Variants in CDH20 observed in about 807,000 individuals in gnomAD.
The protein encoded by CDH20 is cadherin 20.
A neutral mutation model predicts 74.2 loss-of-function variants in CDH20; 29 were observed. That is an observed-to-expected ratio of 0.39 (90% CI 0.29 to 0.53). The LOEUF (loss-of-function observed/expected upper bound fraction) is 0.53. CDH20 is among the 20% of genes least tolerant of loss of function. CDH20 has a pLI of 0.69. For synonymous variants in CDH20, 469 were observed against 405.4 expected, an observed-to-expected ratio of 1.16 and a Z score of -1.88; for missense variants, 988 against 1,048.3, an observed-to-expected ratio of 0.94 and a Z score of 0.79.
chr18:61,414,559 G>T (rs1002984144), intron 1 of CDH20, among the ~76,000 whole-genome samples: 1 of 152,000 alleles, frequency 6.6e-6, no homozygotes, highest in African/African-American at 2.4e-5. Context: ...AGTGATTTGG[G>T]ATTCTCTATG....
chr18:61,467,859 G>A (rs997524612), intron 1 of CDH20, among the ~76,000 whole-genome samples: 1 of 152,120 alleles, frequency 6.6e-6, no homozygotes, highest in Non-Finnish European at 1.5e-5. Context: ...GCTTACGTTC[G>A]CTTACTAGTA....
intron 1 of CDH20, among the ~76,000 whole-genome samples, chr18:61,388,936 G>T (rs1911684465): frequency 6.6e-6 from 1 of 152,102 alleles, no homozygotes. Context: ...TACTTCACAG[G>T]ACGATTAAAA....
Position 61,554,237 on chromosome 18 carries a change from T to C in CDH20, c.1948T>C (p.Tyr650His), listed in dbSNP as rs1357610022. The change falls in exon 12 of 12, where the codon TAC becomes CAC. Residue 650 changes from tyrosine to histidine, a missense_variant. Physicochemically the swap from Tyr to His is moderately conservative, Grantham distance 83 (BLOSUM62 2). This residue lies in a region of CDH20 where 375 missense variants were observed against 293.1 expected (regional missense o/e 1.28). Transcript: ENST00000262717. ...LSMRRHRKQP[Y>H]IIDDEENIHE... ...CATGAGGCGGCACCGGAAACAACCATACATCATCGACGACGAGGAAAACAT... is the reference window on the plus strand; with the variant it reads ...CATGAGGCGGCACCGGAAACAACCACACATCATCGACGACGAGGAAAACAT... 1 of 1,613,880 alleles carries C rather than the reference T, an allele frequency of 6.2e-7. No homozygotes were observed. The highest frequency in any genetic ancestry group is 2.2e-5 in the East Asian group (1 of 44,864).
intron 1 of CDH20, among the ~76,000 whole-genome samples, chr18:61,456,925 C>G (rs1909591086): frequency 6.6e-6 from 1 of 152,124 alleles, no homozygotes; most frequent in South Asian, 2.1e-4. Flanking sequence ...CATTAGGCCA[C>G]TAATCTCATT....
intron 7 of CDH20, among the ~76,000 whole-genome samples, chr18:61,534,999 TATA>T: frequency 6.6e-6 from 1 of 152,240 alleles, no homozygotes; most frequent in Non-Finnish European, 1.5e-5. Flanking sequence ...CATAAATATA[TATA>T]ATTATTACTT....
intron 6 of CDH20, among the ~76,000 whole-genome samples, chr18:61,519,540 G>A (rs927141976): frequency 6.6e-6 from 1 of 151,190 alleles, no homozygotes; most frequent in African/African-American, 2.5e-5. Context: ...AAGTGAAGGA[G>A]AAATAAAATC....
rs540904369 is a variant in CDH20, at chr18:61,380,035, G to A, written c.-153+46208G>A. ...CAGGATTCTTAATGCAGGCAGACACGCGGATGTTTATTTTAGATCATTTGC... is the reference window on the plus strand; with the variant it reads ...CAGGATTCTTAATGCAGGCAGACACACGGATGTTTATTTTAGATCATTTGC... On this transcript the variant is annotated intron_variant, in intron 1 of 11. Transcript: ENST00000262717. Among the ~76,000 whole-genome samples, 3 of 152,288 alleles carry A rather than the reference G, an allele frequency of 2.0e-5. No homozygotes were observed. The East Asian group carries it at 5.8e-4, about 29-fold the overall frequency.
chr18:61,355,672 A>C (rs1465269786), intron 1 of CDH20, among the ~76,000 whole-genome samples: 2 of 152,212 alleles, frequency 1.3e-5, no homozygotes, highest in Admixed American at 1.3e-4. Flanking sequence ...AAACAAGTAA[A>C]TATAAACAAA....
In CDH20 at chr18:61,500,262, G is replaced by T. The variant is rs553377229; in HGVS notation, c.542-121G>T. The T allele has an allele frequency of 7.9e-5, 77 of 968,606 alleles. No homozygotes were observed. The East Asian group carries it at 1.6e-3, about 20-fold the overall frequency. The allele number at this position is 968,606 out of a possible 1,614,324, so 60.0% of individuals were successfully genotyped here. On this transcript the variant is annotated intron_variant, in intron 3 of 11. Transcript: ENST00000262717. The stretch of plus-strand genomic sequence containing the variant: ...ATAAGAGTTATGGAAGCTTGACCTA[G>T]AAAGGGGACTCTCCCAATGAAGCAA...
chr18:61,424,263 A>G (rs1423194812), intron 1 of CDH20, among the ~76,000 whole-genome samples: 1 of 152,228 alleles, frequency 6.6e-6, no homozygotes, highest in Non-Finnish European at 1.5e-5. Context: ...TTTGAAATAT[A>G]CAATAGATTA....
intron 1 of CDH20, among the ~76,000 whole-genome samples, chr18:61,424,560 T>C (rs945060609): frequency 4.6e-5 from 7 of 152,258 alleles, no homozygotes; most frequent in African/African-American, 9.6e-5. Flanking sequence ...TATACAGTGA[T>C]TGCTGAGATC....
intron 1 of CDH20, among the ~76,000 whole-genome samples, chr18:61,347,894 AT>A (rs77931577): frequency 0.15 from 22,783 of 152,070 alleles, 2,242 homozygotes; most frequent in Admixed American, 0.3. Flanking sequence ...AAAACTCACG[AT>A]GTATTTTTGG....
At chr18:61,490,912 T>C in intron 2 of CDH20, 113 bp downstream of exon 2, 1 of 1,167,872 alleles carries the variant, frequency 8.6e-7, no homozygotes, top group East Asian at 2.4e-5. Flanking sequence ...CTAGAACAAG[T>C]GGTACGTTAC....
At chr18:61,419,060 G>T (rs945449006) in intron 1 of CDH20, among the ~76,000 whole-genome samples, 2 of 151,892 alleles carry the variant, frequency 1.3e-5, no homozygotes, top group African/African-American at 2.4e-5. Flanking sequence ...ATTATGATAC[G>T]CCCTTAGGGT....
chr18:61,491,757 G>T (rs1161996931), intron 2 of CDH20, among the ~76,000 whole-genome samples: 1 of 152,036 alleles, frequency 6.6e-6, no homozygotes, highest in Non-Finnish European at 1.5e-5. Context: ...TGTTTTCATT[G>T]CTTCTCAAGA....
intron 8 of CDH20, among the ~76,000 whole-genome samples, chr18:61,537,097 A>G (rs1912841187): frequency 6.6e-6 from 1 of 152,146 alleles, no homozygotes. Flanking sequence ...AAACTTATAA[A>G]TGGAATGGAA....
chr18:61,344,363 AG>A (rs773104310), intron 1 of CDH20, among the ~76,000 whole-genome samples: 2 of 152,166 alleles, frequency 1.3e-5, no homozygotes, highest in Non-Finnish European at 2.9e-5. Context: ...ATGTTGCCCA[AG>A]ATCACATAAC....
At chr18:61,371,092 C>T (rs1164453243) in intron 1 of CDH20, among the ~76,000 whole-genome samples, 1 of 152,084 alleles carries the variant, frequency 6.6e-6, no homozygotes, top group Non-Finnish European at 1.5e-5. Flanking sequence ...ATGAATTTTA[C>T]CAACAAGAAA....
intron 1 of CDH20, among the ~76,000 whole-genome samples, chr18:61,368,133 A>G (rs1910918405): frequency 1.3e-5 from 2 of 152,046 alleles, no homozygotes; most frequent in Non-Finnish European, 2.9e-5. Context: ...TTGTGATTAC[A>G]TTGGGCCTGC....
Sources: allele counts gnomAD v4.1 joint callset (sites outside exome capture counted in the v4.1 genomes callset), GRCh38; gene constraint gnomAD v4.1.1; regional missense constraint gnomAD v4.1.1; transcripts MANE v1.5; gene names NCBI Gene and HGNC (gene_info 2026-07-23, HGNC 2026-07-21).